Variants in PLEKHA5 observed in about 807,000 individuals in gnomAD.
PLEKHA5 encodes the protein pleckstrin homology domain containing A5, also known as pleckstrin homology domain-containing family A member 5.
A neutral mutation model predicts 181.9 loss-of-function variants in PLEKHA5; 55 were observed. The ratio of observed to expected loss-of-function variants is 0.30; its 90% CI spans 0.24 to 0.38. The LOEUF is 0.38. Among genes scored for constraint, PLEKHA5 ranks in the 10% least tolerant of loss-of-function variants. PLEKHA5 has a pLI of 1.00. For missense variants in PLEKHA5, 1,432 were observed against 1,549.5 expected, an observed-to-expected ratio of 0.92 and a Z score of 1.27; for synonymous variants, 535 against 529.4, an observed-to-expected ratio of 1.01 and a Z score of -0.15.
rs887581866 is a variant in PLEKHA5, at chr12:19,130,630, C to T, written c.169+500C>T. ...CCCCCTCCTCCCAGGAGCGCTGCCT[C>T]CTGCCGTGCAGCTTCCTCCTCCTAG... is the stretch of plus-strand genomic sequence containing the variant. On this transcript the variant is annotated intron_variant, in intron 2 of 31. Coordinates refer to ENST00000429027, the MANE Select transcript of PLEKHA5 (RefSeq NM_001256470.2). This position sits in a 1 kb window ranked among gnomAD's most constrained non-coding sequence, Gnocchi z 4.5. 2.6e-5 allele frequency: 4 copies of T among 152,610 alleles called. No homozygotes were observed. The highest frequency in any genetic ancestry group is 2.1e-4 in the South Asian group (1 of 4,828). 9.5% of individuals were successfully genotyped at this position (152,610 alleles called of 1,614,324 possible). A position where few individuals can be genotyped will look rare whatever the true frequency, so the allele number is the denominator to read the frequency against.
intron 3 of PLEKHA5, among the ~76,000 whole-genome samples, chr12:19,251,611 T>A (rs1167177206): frequency 6.6e-6 from 1 of 151,830 alleles, no homozygotes; most frequent in Non-Finnish European, 1.5e-5. Context: ...GATAAAATCA[T>A]GCATAAGCAA....
At chr12:19,365,067 A>G (rs1445997667) in intron 29 of PLEKHA5, among the ~76,000 whole-genome samples, 1 of 152,120 alleles carries the variant, frequency 6.6e-6, no homozygotes, top group Non-Finnish European at 1.5e-5. Flanking sequence ...AAATTTGAAT[A>G]AGCCTTAAAA....
At chr12:19,328,408 AG>A (rs1309190774) in intron 20 of PLEKHA5, among the ~76,000 whole-genome samples, 17 of 152,224 alleles carry the variant, frequency 1.1e-4, no homozygotes, top group African/African-American at 2.4e-5. Context: ...TGCTTTGGGC[AG>A]TATGACCATT....
At chr12:19,185,911 T>G (rs780538278) in intron 3 of PLEKHA5, among the ~76,000 whole-genome samples, 5 of 152,216 alleles carry the variant, frequency 3.3e-5, no homozygotes, top group Non-Finnish European at 5.9e-5. Context: ...TTAATGCCTT[T>G]TGGATTAATC....
At chr12:19,195,774 A>C (rs1054466029) in intron 3 of PLEKHA5, among the ~76,000 whole-genome samples, 2 of 151,880 alleles carry the variant, frequency 1.3e-5, no homozygotes, top group Admixed American at 6.6e-5. Flanking sequence ...TATGAGATAT[A>C]TATATATACA....
chr12:19,283,062 G>A (rs986729035), intron 11 of PLEKHA5, among the ~76,000 whole-genome samples: 8 of 140,842 alleles, frequency 5.7e-5, no homozygotes, highest in Admixed American at 7.9e-5. Flanking sequence ...CAGGAGAATC[G>A]CTTGAGCCCA....
chr12:19,294,895 T>C (rs1010788460), intron 15 of PLEKHA5, among the ~76,000 whole-genome samples: 8 of 152,242 alleles, frequency 5.3e-5, no homozygotes, highest in African/African-American at 1.9e-4. Flanking sequence ...TTTATGAGGA[T>C]GAATCATGTA....
intron 16 of PLEKHA5, among the ~76,000 whole-genome samples, chr12:19,316,081 C>A (rs2088556865): frequency 6.6e-6 from 1 of 151,916 alleles, no homozygotes; most frequent in African/African-American, 2.4e-5. Flanking sequence ...AAGTACCACA[C>A]CGAGAGTATT....
At chr12:19,192,021 A>G (rs1445572002) in intron 3 of PLEKHA5, among the ~76,000 whole-genome samples, 4 of 152,186 alleles carry the variant, frequency 2.6e-5, no homozygotes, top group Non-Finnish European at 4.4e-5. Context: ...ATACCCTTGT[A>G]TAGTCCGTGT....
intron 26 of PLEKHA5, among the ~76,000 whole-genome samples, chr12:19,356,860 C>T (rs1267623239): frequency 6.6e-6 from 1 of 151,932 alleles, no homozygotes; most frequent in Non-Finnish European, 1.5e-5. Flanking sequence ...AGGGTTTCAC[C>T]ATGTTGGCCA....
intron 3 of PLEKHA5, among the ~76,000 whole-genome samples, chr12:19,145,179 A>AGT (rs1342105225): frequency 6.6e-6 from 1 of 151,496 alleles, no homozygotes; most frequent in Non-Finnish European, 1.5e-5. Context: ...GTGTGAGGGG[A>AGT]GTGTGTGTGT....
intron 11 of PLEKHA5, among the ~76,000 whole-genome samples, chr12:19,276,742 A>G (rs1038678487): frequency 1.1e-4 from 17 of 152,174 alleles, no homozygotes; most frequent in Admixed American, 3.9e-4. Context: ...GGTGCCTTTT[A>G]CTGCAAAGAA....
At chr12:19,176,904 G>T (rs923151152) in intron 3 of PLEKHA5, among the ~76,000 whole-genome samples, 1 of 151,664 alleles carries the variant, frequency 6.6e-6, no homozygotes, top group African/African-American at 2.4e-5. Context: ...TCACTCTGTC[G>T]CCAGGCTGGA....
intron 3 of PLEKHA5, chr12:19,176,321 A>G (rs1162349816): frequency 1.4e-5 from 2 of 147,600 alleles, no homozygotes; most frequent in Admixed American, 6.9e-5. Context: ...CCGAGGCTGG[A>G]GTGTAGTGCT....
Position 19,253,160 on chromosome 12 carries a change from C to T in PLEKHA5, c.228-780C>T, listed in dbSNP as rs546684709. Among the ~76,000 whole-genome samples, 6 of 144,984 alleles carry T rather than the reference C, an allele frequency of 4.1e-5. No individual in the cohort carries two copies. The South Asian group carries it at 1.4e-3, about 33-fold the overall frequency. ...CACAATCTCAGCTCACTGCAACCTC[C>T]ATCACCCAGGTTCAAGCGATTCTCC... is the stretch of plus-strand genomic sequence containing the variant. On this transcript the variant is annotated intron_variant, in intron 3 of 31. Coordinates refer to ENST00000429027, the MANE Select transcript of PLEKHA5 (RefSeq NM_001256470.2).
Position 19,316,431 on chromosome 12 carries a change from G to T in PLEKHA5, c.2118+1537G>T, listed in dbSNP as rs115151190. 5.6e-4 allele frequency among the ~76,000 whole-genome samples: 84 copies of T among 149,604 alleles called. 1 individual carries two copies. The highest frequency in any genetic ancestry group is 2.1e-3 in the Admixed American group (31 of 14,978). The stretch of plus-strand genomic sequence containing the variant: ...GAGATCTGAAATGGGAAGGGCTGAG[G>T]GGGGGGAAAGTGAAGATGTCTGAGA... On this transcript the variant is annotated intron_variant, in intron 16 of 31. Transcript: ENST00000429027.
At chr12:19,280,538 T>C (rs1375610818) in intron 11 of PLEKHA5, among the ~76,000 whole-genome samples, 4 of 152,008 alleles carry the variant, frequency 2.6e-5, no homozygotes, top group African/African-American at 9.7e-5. Context: ...TCACAACCAG[T>C]AGGAGCCCAT....
intron 12 of PLEKHA5, among the ~76,000 whole-genome samples, chr12:19,285,473 AGT>A (rs1326683148): frequency 6.6e-6 from 1 of 152,208 alleles, no homozygotes. Context: ...GATCTAGATC[AGT>A]GGTTCTTAAA....
intron 3 of PLEKHA5, among the ~76,000 whole-genome samples, chr12:19,252,124 A>G (rs568705936): frequency 8.5e-4 from 129 of 150,944 alleles, no homozygotes; most frequent in African/African-American, 3.0e-3. Flanking sequence ...AAAACTATCT[A>G]TATCTTTATA....
Sources: gnomAD v4.1 joint callset for allele counts (sites outside exome capture counted in the v4.1 genomes callset) on GRCh38, gnomAD v4.1.1 for gene constraint, Gnocchi (gnomAD v3.1) non-coding constraint, MANE v1.5 for transcripts, NCBI Gene and HGNC (gene_info 2026-07-23, HGNC 2026-07-21) for gene names.